The following CNTNAP2 variants were observed in gnomAD, a reference collection of about 807,000 sequenced individuals.
The protein encoded by CNTNAP2 is contactin associated protein 2.
A neutral mutation model predicts 155.2 loss-of-function variants in CNTNAP2; 98 were observed. The ratio of observed to expected loss-of-function variants is 0.63; its 90% CI spans 0.54 to 0.75. CNTNAP2 has a LOEUF of 0.75. Ranked by LOEUF, CNTNAP2 falls within the 30% of genes least tolerant of loss-of-function variation. The probability of loss-of-function intolerance (pLI) is 0.00; values close to 1 mark genes in which losing one functional copy is unlikely to be tolerated. For missense variants in CNTNAP2, 1,727 were observed against 1,688.1 expected (o/e 1.02, Z -0.40); for synonymous variants, 651 against 631.2 (o/e 1.03, Z -0.47).
At chr7:147,551,410 G>C (rs1178397510) in intron 11 of CNTNAP2, among the ~76,000 whole-genome samples, 1 of 152,192 alleles carries the variant, frequency 6.6e-6, no homozygotes, top group African/African-American at 2.4e-5. Flanking sequence ...GAATGCTGAA[G>C]TTATTGACTC....
At chr7:147,856,203 A>T (rs558660319) in intron 13 of CNTNAP2, among the ~76,000 whole-genome samples, 3 of 152,280 alleles carry the variant, frequency 2.0e-5, no homozygotes, top group South Asian at 4.1e-4. Flanking sequence ...CCATAGTTCT[A>T]GACCTTGGCT....
At chr7:147,862,283 C>G (rs1799149657) in intron 13 of CNTNAP2, among the ~76,000 whole-genome samples, 1 of 152,066 alleles carries the variant, frequency 6.6e-6, no homozygotes, top group African/African-American at 2.4e-5. Flanking sequence ...ATATAAGCAC[C>G]AATTTCAAAT....
At chr7:148,131,087 CTTTTTTTT>C (rs755587892) in intron 16 of CNTNAP2, among the ~76,000 whole-genome samples, 2 of 97,180 alleles carry the variant, frequency 2.1e-5, no homozygotes, top group African/African-American at 8.5e-5. Context: ...TTTTCTTCTT[CTTTTTTTT>C]TTTTTTTTTT....
intron 1 of CNTNAP2, among the ~76,000 whole-genome samples, chr7:146,462,272 T>C (rs1206321534): frequency 6.6e-6 from 1 of 152,214 alleles, no homozygotes; most frequent in African/African-American, 2.4e-5. Flanking sequence ...ATCAGTTCTC[T>C]TTTCTTCTTT....
chr7:147,634,164 C>T (rs144287680), intron 12 of CNTNAP2, among the ~76,000 whole-genome samples: 325 of 152,250 alleles, frequency 2.1e-3, no homozygotes, highest in Non-Finnish European at 3.5e-3. Flanking sequence ...CACATTTTTA[C>T]AGCAACAGTA....
chr7:146,981,019 A>G (rs1158345978), intron 3 of CNTNAP2, among the ~76,000 whole-genome samples: 1 of 152,104 alleles, frequency 6.6e-6, no homozygotes, highest in Non-Finnish European at 1.5e-5. Flanking sequence ...ACAAGGTCCC[A>G]TGGTTATGCA....
intron 15 of CNTNAP2, among the ~76,000 whole-genome samples, chr7:148,116,500 A>G (rs968807772): frequency 6.6e-6 from 1 of 152,194 alleles, no homozygotes; most frequent in Non-Finnish European, 1.5e-5. Flanking sequence ...CCAGTAGACA[A>G]CTTGAATTCT....
At chr7:146,937,687 A>T (rs1043075084) in intron 3 of CNTNAP2, among the ~76,000 whole-genome samples, 3 of 152,062 alleles carry the variant, frequency 2.0e-5, no homozygotes, top group Non-Finnish European at 4.4e-5. Flanking sequence ...TTATTTTATT[A>T]AAAAAATGCA....
intron 9 of CNTNAP2, among the ~76,000 whole-genome samples, chr7:147,355,398 A>T (rs1796045177): frequency 6.6e-6 from 1 of 152,118 alleles, no homozygotes; most frequent in African/African-American, 2.4e-5. Flanking sequence ...AAGCAAGAGT[A>T]AACAAATTCA....
chr7:146,905,200 G>T (rs1010927123), intron 3 of CNTNAP2, among the ~76,000 whole-genome samples: 2 of 151,708 alleles, frequency 1.3e-5, no homozygotes, highest in South Asian at 4.2e-4. Flanking sequence ...CCCTGGAGTC[G>T]GGAGGGGGAA....
intron 3 of CNTNAP2, among the ~76,000 whole-genome samples, chr7:146,953,393 TAA>T (rs529720925): frequency 6.6e-6 from 1 of 151,728 alleles, no homozygotes. Flanking sequence ...AACGAGATGA[TAA>T]AAAAAACTAA....
At chr7:146,914,110 A>G (rs1796344516) in intron 3 of CNTNAP2, among the ~76,000 whole-genome samples, 1 of 152,024 alleles carries the variant, frequency 6.6e-6, no homozygotes, top group South Asian at 2.1e-4. Context: ...TTTAAAAGTA[A>G]TGTTTTTTTA....
At chr7:147,581,477 G>T (rs1364231036) in intron 12 of CNTNAP2, among the ~76,000 whole-genome samples, 1 of 152,172 alleles carries the variant, frequency 6.6e-6, no homozygotes, top group Non-Finnish European at 1.5e-5. Flanking sequence ...ACAATGTCAG[G>T]ATCACTGGAA....
intron 14 of CNTNAP2, among the ~76,000 whole-genome samples, chr7:147,908,972 G>A (rs1800014193): frequency 6.6e-6 from 1 of 152,178 alleles, no homozygotes; most frequent in Non-Finnish European, 1.5e-5. Flanking sequence ...CCCAAGTCAT[G>A]TAAGGATCTT....
At chr7:147,839,575 G>T (rs117588635) in intron 13 of CNTNAP2, among the ~76,000 whole-genome samples, 1 of 152,180 alleles carries the variant, frequency 6.6e-6, no homozygotes, top group East Asian at 1.9e-4. Context: ...ATTTTTCACA[G>T]AATAATTCTT....
At chr7:147,342,518 A>G (rs1795782477) in intron 9 of CNTNAP2, among the ~76,000 whole-genome samples, 1 of 152,148 alleles carries the variant, frequency 6.6e-6, no homozygotes, top group Admixed American at 6.6e-5. Flanking sequence ...AATGTTTCCA[A>G]GCTTCTATTT....
chr7:147,181,465 T>G (rs749910419), intron 8 of CNTNAP2, among the ~76,000 whole-genome samples: 8 of 152,240 alleles, frequency 5.3e-5, no homozygotes, highest in Non-Finnish European at 1.2e-4. Context: ...ATAATGTAAA[T>G]GTTTATATAC....
chr7:146,879,310 G>A (rs934880394), intron 3 of CNTNAP2, among the ~76,000 whole-genome samples: 1 of 152,024 alleles, frequency 6.6e-6, no homozygotes, highest in Admixed American at 6.6e-5. Flanking sequence ...TTTAAAATTA[G>A]AATTAAATGC....
intron 13 of CNTNAP2, among the ~76,000 whole-genome samples, chr7:147,717,939 T>A (rs1796505954): frequency 6.6e-6 from 1 of 152,068 alleles, no homozygotes; most frequent in South Asian, 2.1e-4. Flanking sequence ...TCCTCTGTTT[T>A]TTTTTTCTGA....
Sources: allele counts gnomAD v4.1 joint callset (sites outside exome capture counted in the v4.1 genomes callset), GRCh38; gene constraint gnomAD v4.1.1; transcripts MANE v1.5; gene names NCBI Gene and HGNC (gene_info 2026-07-23, HGNC 2026-07-21).